Variants in RHBDL2 observed in about 807,000 individuals in gnomAD.
RHBDL2 encodes rhomboid-related protein 2.
Under a neutral mutation model 31.7 loss-of-function variants are expected in RHBDL2, and 26 were observed. The observed-to-expected ratio is 0.82, with a 90% CI of 0.60 to 1.14. The LOEUF (loss-of-function observed/expected upper bound fraction) is 1.14. RHBDL2 is among the 50% of genes most tolerant of loss of function. RHBDL2 has a pLI of 0.00. For synonymous variants in RHBDL2, 123 were observed against 127.2 expected, an observed-to-expected ratio of 0.97 and a Z score of 0.22; for missense variants, 336 against 364.4, an observed-to-expected ratio of 0.92 and a Z score of 0.63.
chr1:38,928,266 C>A (rs886403232), intron 1 of RHBDL2, among the ~76,000 whole-genome samples: 53 of 151,458 alleles, frequency 3.5e-4, no homozygotes, highest in African/African-American at 1.3e-3. Context: ...CTCAGTCTCT[C>A]AAGTAGCTGG....
At chr1:38,913,362 G>A (rs1006234607) in intron 3 of RHBDL2, among the ~76,000 whole-genome samples, 9 of 151,950 alleles carry the variant, frequency 5.9e-5, no homozygotes, top group Non-Finnish European at 1.0e-4. Context: ...CCTTGTGTGC[G>A]GGAGCCATGT....
chr1:38,908,599 G>T lies in RHBDL2; in HGVS notation c.508+2723C>A, dbSNP rs191651166. On this transcript the variant is annotated intron_variant, in intron 4 of 7. Transcript: ENST00000372990. ...TGGGAAAAGTTCCCTTGTCCCCCTC[G>T]CAGGGCGTGCGATGGGGGTGTTGTT... Among the ~76,000 whole-genome samples, 4 of 148,794 alleles carry T rather than the reference G, an allele frequency of 2.7e-5. No individual in the cohort carries two copies. In the East Asian group the frequency reaches 5.9e-4, roughly 22 times the overall value.
intron 1 of RHBDL2, among the ~76,000 whole-genome samples, chr1:38,923,963 T>C (rs969079338): frequency 3.9e-5 from 6 of 152,072 alleles, no homozygotes; most frequent in African/African-American, 1.4e-4. Context: ...AGCCTTCTGG[T>C]TAAAAATGGA....
At chr1:38,918,509 G>A (rs1183845707) in intron 2 of RHBDL2, among the ~76,000 whole-genome samples, 1 of 152,094 alleles carries the variant, frequency 6.6e-6, no homozygotes, top group East Asian at 1.9e-4. Context: ...AACACACCAC[G>A]TGCTGCCTGA....
rs140408614 is a variant in RHBDL2 at position 38,912,698 on chromosome 1, G to C, written c.396-1264C>G. 2.1e-3 allele frequency among the ~76,000 whole-genome samples: 319 copies of C among 151,222 alleles called. 14 individuals carry two copies. In the East Asian group the frequency reaches 0.06, roughly 28 times the overall value. ...AGCCCCTCAAAGGGCTGGGATTACA[G>C]GTGTGAGCCACTGCTCCTGGCCACA... is the stretch of plus-strand genomic sequence containing the variant. On this transcript the variant is annotated intron_variant, in intron 3 of 7. Coordinates refer to ENST00000372990, the MANE Select transcript of RHBDL2 (RefSeq NM_017821.5).
At chr1:38,917,124 T>C (rs1044607734) in intron 2 of RHBDL2, among the ~76,000 whole-genome samples, 2 of 148,136 alleles carry the variant, frequency 1.4e-5, no homozygotes, top group Admixed American at 6.8e-5. Context: ...TTCACGCTAC[T>C]CTCCTGCCTC....
chr1:38,908,159 T>G (rs976354759), intron 4 of RHBDL2, among the ~76,000 whole-genome samples: 1 of 136,516 alleles, frequency 7.3e-6, no homozygotes. Context: ...TCCTCCAAAT[T>G]TGAAAAAAAA....
Position 38,915,694 on chromosome 1 carries a change from T to G in RHBDL2, c.263A>C (p.Tyr88Ser), listed in dbSNP as rs2124332981. ...TTTCTGAGGCTTCCACACAGCATAG[T>G]AAATAAACACTGCCAGCTGATGGAG... ...ISLAELAVFI[Y>S]YAVWKPQKQW... The change falls in exon 3 of 8, where the codon TAC becomes TCC. Residue 88 changes from tyrosine (Y) to serine (S), a missense_variant. Coordinates refer to ENST00000372990, the MANE Select transcript of RHBDL2 (RefSeq NM_017821.5). 4 of 1,614,062 alleles carry G rather than the reference T, an allele frequency of 2.5e-6. No individual in the cohort carries two copies. In the East Asian group the frequency reaches 8.9e-5, roughly 36 times the overall value.
At chr1:38,934,801 C>CA (rs1460616588) in intron 1 of RHBDL2, among the ~76,000 whole-genome samples, 2 of 151,516 alleles carry the variant, frequency 1.3e-5, no homozygotes, top group Non-Finnish European at 1.5e-5. Context: ...ACTAAAAATA[C>CA]AAAAAAATTA....
In RHBDL2 at chr1:38,915,586, A is replaced by T; in HGVS notation, c.371T>A (p.Ile124Asn). 1 of 1,614,196 alleles carries T rather than the reference A, an allele frequency of 6.2e-7. No homozygotes were observed. Among genetic ancestry groups the T allele is most frequent in the Non-Finnish European group, 8.5e-7 (1 of 1,180,038 alleles). The change falls in exon 3 of 8, where the codon ATC (isoleucine) becomes AAC (asparagine). Residue 124 changes from isoleucine (I) to asparagine (N), a missense_variant. By Grantham distance (149) the Ile-to-Asn change is moderately radical (BLOSUM62 -3). Coordinates refer to ENST00000372990, the MANE Select transcript of RHBDL2 (RefSeq NM_017821.5). ...PEKREEAWRF[I>N]SYMLVHAGVQ... ...CCCAGCATGTACCAGCATGTATGAG[A>T]TAAACCTCCAGGCTTCCTCCCTCTT...
chr1:38,923,393 T>C (rs1276382058), intron 1 of RHBDL2, among the ~76,000 whole-genome samples: 1 of 152,180 alleles, frequency 6.6e-6, no homozygotes, highest in Non-Finnish European at 1.5e-5. Context: ...TTTCTAACAG[T>C]TCTAATTCAT....
intron 4 of RHBDL2, among the ~76,000 whole-genome samples, chr1:38,900,624 A>T (rs965142988): frequency 3.3e-5 from 5 of 152,114 alleles, no homozygotes; most frequent in Non-Finnish European, 5.9e-5. Context: ...CTGTCTAAAA[A>T]AAGAAAAAAA....
intron 1 of RHBDL2, among the ~76,000 whole-genome samples, chr1:38,938,536 C>T (rs548096923): frequency 5.3e-5 from 8 of 152,278 alleles, no homozygotes; most frequent in African/African-American, 1.7e-4. Flanking sequence ...CTAGAACATC[C>T]TCCCACACTC....
At chr1:38,929,708 GTT>G (rs1325841326) in intron 1 of RHBDL2, 1 of 372,314 alleles carries the variant, frequency 2.7e-6, no homozygotes, top group Non-Finnish European at 3.7e-6. Flanking sequence ...TTTCGGTGGT[GTT>G]GCTAGGCGCC....
intron 6 of RHBDL2, among the ~76,000 whole-genome samples, chr1:38,891,995 A>G (rs1303084840): frequency 6.6e-6 from 1 of 152,166 alleles, no homozygotes; most frequent in Non-Finnish European, 1.5e-5. Context: ...GTTTTCTTCC[A>G]TGCTCTATGG....
intron 1 of RHBDL2, among the ~76,000 whole-genome samples, chr1:38,935,968 A>G (rs2124356846): frequency 6.6e-6 from 1 of 152,176 alleles, no homozygotes; most frequent in Non-Finnish European, 1.5e-5. Flanking sequence ...GCTGGAGTGC[A>G]GTGATGCAAA....
intron 6 of RHBDL2, among the ~76,000 whole-genome samples, chr1:38,888,351 T>C (rs1570909624): frequency 6.8e-6 from 1 of 146,902 alleles, no homozygotes; most frequent in South Asian, 2.2e-4. Flanking sequence ...TGTTGGGGGG[T>C]ATGTGGGGGG....
chr1:38,936,573 C>T (rs1406710569), intron 1 of RHBDL2, among the ~76,000 whole-genome samples: 2 of 150,988 alleles, frequency 1.3e-5, no homozygotes, highest in Non-Finnish European at 2.9e-5. Context: ...GATCTCAGCT[C>T]ACTGCAACCT....
chr1:38,931,672 T>A (rs981840215), intron 1 of RHBDL2, among the ~76,000 whole-genome samples: 61 of 151,900 alleles, frequency 4.0e-4, no homozygotes, highest in African/African-American at 1.4e-3. Context: ...ATGCCTTGTA[T>A]GTGTTAGGCT....
Sources: gnomAD v4.1 joint callset for allele counts (sites outside exome capture counted in the v4.1 genomes callset) on GRCh38, gnomAD v4.1.1 for gene constraint, MANE v1.5 for transcripts, NCBI Gene and HGNC (gene_info 2026-07-23, HGNC 2026-07-21) for gene names.